FBXO36: variants seen among roughly 807,000 people sequenced by gnomAD.
FBXO36 encodes F-box only protein 36.
In FBXO36, 18 loss-of-function variants were observed where a neutral mutation model predicts 17.0. That is an observed-to-expected ratio of 1.06 (90% CI 0.73 to 1.57). FBXO36 has a LOEUF of 1.57. FBXO36 is among the 40% of genes most tolerant of loss of function. The probability of loss-of-function intolerance (pLI) is 0.00; values close to 1 mark genes in which losing one functional copy is unlikely to be tolerated. For missense variants in FBXO36, 229 were observed against 221.9 expected (o/e 1.03, Z -0.20); for synonymous variants, 83 against 85.3 (o/e 0.97, Z 0.15).
intron 2 of FBXO36, among the ~76,000 whole-genome samples, chr2:229,995,343 G>C (rs530423815): frequency 2.0e-5 from 3 of 152,174 alleles, no homozygotes; most frequent in South Asian, 2.1e-4. Context: ...AACATAGTTA[G>C]ATAGGCCATT....
chr2:229,975,651 T>A (rs776020863), intron 1 of FBXO36, among the ~76,000 whole-genome samples: 1 of 151,562 alleles, frequency 6.6e-6, no homozygotes, highest in Non-Finnish European at 1.5e-5. Flanking sequence ...TTTAAAAAAA[T>A]TTTTTGTAGA....
At chr2:229,930,548 C>G (rs1202142053) in intron 1 of FBXO36, among the ~76,000 whole-genome samples, 1 of 151,770 alleles carries the variant, frequency 6.6e-6, no homozygotes, top group South Asian at 2.1e-4. Context: ...GTCGGGAGGT[C>G]GAGACCAGCC....
At chr2:229,964,766 G>A (rs1217461430) in intron 1 of FBXO36, among the ~76,000 whole-genome samples, 2 of 152,138 alleles carry the variant, frequency 1.3e-5, no homozygotes, top group African/African-American at 4.8e-5. Flanking sequence ...TGATCCTTCC[G>A]CCTCGGCCTC....
rs371351879 is a variant in FBXO36, at chr2:229,978,970, A to C, written c.205+2621A>C. 1.1e-4 allele frequency among the ~76,000 whole-genome samples: 16 copies of C among 151,786 alleles called. No individual in the cohort carries two copies. The East Asian group carries it at 2.1e-3, about 20-fold the overall frequency. On this transcript the variant is annotated intron_variant, in intron 2 of 3. Transcript: ENST00000283946. The stretch of plus-strand genomic sequence containing the variant: ...GGTGGGTGGATCACCTGAGGTCAGG[A>C]GTTTGAGACCAGCCTGGCCAACATG...
chr2:229,925,958 A>T (rs547983107), intron 1 of FBXO36, among the ~76,000 whole-genome samples: 1 of 152,064 alleles, frequency 6.6e-6, no homozygotes, highest in South Asian at 2.1e-4. Flanking sequence ...GATGATCTCC[A>T]GCTTTAGAAA....
chr2:229,960,065 C>T (rs2077112470), intron 1 of FBXO36, among the ~76,000 whole-genome samples: 1 of 151,902 alleles, frequency 6.6e-6, no homozygotes, highest in Non-Finnish European at 1.5e-5. Flanking sequence ...ATCCCTGTTT[C>T]CTGTACCCTT....
At chr2:229,945,042 T>A (rs1560435333) in intron 1 of FBXO36, 3 of 152,196 alleles carry the variant, frequency 2.0e-5, no homozygotes, top group Non-Finnish European at 4.4e-5. Context: ...GAAAATTAAT[T>A]GAAGAAAGAA....
chr2:229,937,417 C>T (rs1216156388), intron 1 of FBXO36, among the ~76,000 whole-genome samples: 2 of 152,124 alleles, frequency 1.3e-5, no homozygotes, highest in Non-Finnish European at 2.9e-5. Context: ...ATCACTTGAA[C>T]CCAGGAGGCG....
intron 1 of FBXO36, among the ~76,000 whole-genome samples, chr2:229,961,165 T>C (rs1373305646): frequency 1.3e-5 from 2 of 152,140 alleles, no homozygotes; most frequent in Non-Finnish European, 2.9e-5. Context: ...GTTAATACTA[T>C]TTATTAAGTA....
Position 230,005,995 on chromosome 2 carries a change from G to A in FBXO36, c.379-4701G>A, listed in dbSNP as rs111604365. On this transcript the variant is annotated intron_variant, in intron 3 of 3. Transcript: ENST00000283946. ...TAAGAACATTTATTGAGCACCTACT[G>A]TATGTCTAGCATTCCACTAAGTTTT... Among the ~76,000 whole-genome samples, 473 of 151,764 alleles carry A rather than the reference G, an allele frequency of 3.1e-3. 2 individuals carry two copies. Among genetic ancestry groups the A allele is most frequent in the African/African-American group, 0.011 (446 of 41,374 alleles).
chr2:229,972,411 A>G lies in FBXO36; in HGVS notation c.97-3830A>G, dbSNP rs562987382. Among the ~76,000 whole-genome samples the G allele has an allele frequency of 3.3e-5, 5 of 152,296 alleles. No individual in the cohort carries two copies. The South Asian group carries it at 8.3e-4, about 25-fold the overall frequency. On this transcript the variant is annotated intron_variant, in intron 1 of 3. Coordinates refer to ENST00000283946, the MANE Select transcript of FBXO36 (RefSeq NM_174899.5). Reference sequence around the variant, plus strand: ...ATTATGATTAGGAAAATAGATCTCGATGAAGTATAGCTATGATTGAATACT... The same window carrying G: ...ATTATGATTAGGAAAATAGATCTCGGTGAAGTATAGCTATGATTGAATACT...
At chr2:229,950,575 A>G (rs754168618) in intron 1 of FBXO36, among the ~76,000 whole-genome samples, 5 of 152,202 alleles carry the variant, frequency 3.3e-5, no homozygotes, top group Admixed American at 2.6e-4. Context: ...AAATTTTATC[A>G]TAGATCTAAT....
chr2:229,969,917 A>C (rs2077172813), intron 1 of FBXO36, among the ~76,000 whole-genome samples: 1 of 152,194 alleles, frequency 6.6e-6, no homozygotes, highest in African/African-American at 2.4e-5. Flanking sequence ...TGAATGGCAG[A>C]TAAATGCATG....
chr2:229,933,771 C>T (rs905009463), intron 1 of FBXO36, among the ~76,000 whole-genome samples: 1 of 152,104 alleles, frequency 6.6e-6, no homozygotes, highest in Non-Finnish European at 1.5e-5. Flanking sequence ...CTGCAACCCA[C>T]ACTTCCCGGG....
chr2:230,010,854 A>G lies in FBXO36; in HGVS notation c.537A>G (p.Lys179=). ...GGCAGCTCCGCAAGAGGAAACAAAA[A>G]TATGGAAACCTGAGAGAAAAGCAAC... is the stretch of plus-strand genomic sequence containing the variant. ...LQRQLRKRKQ[K]YGNLREKQP Residue 179 remains lysine (K), a synonymous_variant, in exon 4 of 4, where the codon AAA becomes AAG. Coordinates refer to ENST00000283946, the MANE Select transcript of FBXO36 (RefSeq NM_174899.5). 1 of 1,613,062 alleles carries G rather than the reference A, an allele frequency of 6.2e-7. No individual in the cohort carries two copies. Among genetic ancestry groups the G allele is most frequent in the African/African-American group, 1.3e-5 (1 of 75,048 alleles).
intron 2 of FBXO36, among the ~76,000 whole-genome samples, chr2:229,990,344 T>C (rs1191112883): frequency 6.6e-6 from 1 of 151,468 alleles, no homozygotes; most frequent in East Asian, 1.9e-4. Context: ...TTTGTACCAT[T>C]CATTATTATT....
intron 3 of FBXO36, among the ~76,000 whole-genome samples, chr2:229,998,912 C>T (rs894588771): frequency 2.7e-5 from 4 of 149,612 alleles, no homozygotes; most frequent in African/African-American, 7.4e-5. Flanking sequence ...ACGCCATTCT[C>T]CTGCCTCAGC....
At chr2:229,959,611 C>A (rs188897775) in intron 1 of FBXO36, among the ~76,000 whole-genome samples, 1 of 152,140 alleles carries the variant, frequency 6.6e-6, no homozygotes, top group Admixed American at 6.5e-5. Flanking sequence ...TTTGGGAGGC[C>A]GAGGCGGGTG....
intron 2 of FBXO36, among the ~76,000 whole-genome samples, chr2:229,977,334 A>T (rs1479703465): frequency 6.6e-6 from 1 of 151,928 alleles, no homozygotes; most frequent in Non-Finnish European, 1.5e-5. Context: ...GTTTGCTTGC[A>T]TAAGAACTCA....
Sources: gnomAD v4.1 joint callset for allele counts (sites outside exome capture counted in the v4.1 genomes callset) on GRCh38, gnomAD v4.1.1 for gene constraint, MANE v1.5 for transcripts, NCBI Gene and HGNC (gene_info 2026-07-23, HGNC 2026-07-21) for gene names.